FGF13: variants seen among roughly 807,000 people sequenced by gnomAD.
FGF13 encodes the protein fibroblast growth factor 13.
FGF13 carries 2 observed loss-of-function variants against 19.5 expected under a neutral mutation model. The observed-to-expected ratio is 0.10, with a 90% CI of 0.04 to 0.32. The LOEUF (loss-of-function observed/expected upper bound fraction) is 0.32. Ranked by LOEUF, FGF13 falls within the 10% of genes least tolerant of loss-of-function variation. The pLI, the probability that FGF13 is intolerant of heterozygous loss-of-function variation, is 1.00. For missense variants in FGF13, 113 were observed against 192.7 expected (o/e 0.59, Z 2.45); for synonymous variants, 72 against 76.9 (o/e 0.94, Z 0.33).
chrX:139,076,505 G>A (rs1469846196), intron 1 of FGF13, among the ~76,000 whole-genome samples: 1 of 112,024 alleles, frequency 8.9e-6, no homozygotes, highest in East Asian at 2.8e-4. Context: ...CATGTATAGA[G>A]ATTAATTTGC....
At chrX:138,967,051 A>G (rs1043040461) in intron 1 of FGF13, among the ~76,000 whole-genome samples, 1 of 110,994 alleles carries the variant, frequency 9.0e-6, no homozygotes, top group Non-Finnish European at 1.9e-5. Context: ...TGAGTCAATT[A>G]AACCTCTTTT....
intron 1 of FGF13, among the ~76,000 whole-genome samples, chrX:138,950,785 T>C (rs1273533376): frequency 9.0e-6 from 1 of 111,603 alleles, no homozygotes; most frequent in African/African-American, 3.3e-5. Context: ...ATTTTAGACA[T>C]ACAGAAAGAA....
chrX:138,743,530 C>T (rs907035554), upstream of FGF13, among the ~76,000 whole-genome samples: 1 of 110,944 alleles, frequency 9.0e-6, no homozygotes, highest in African/African-American at 3.3e-5. Flanking sequence ...TATGGACTTT[C>T]GGTGATAAGG....
chrX:138,718,732 C>T (rs1317309085), intron 1 of FGF13, among the ~76,000 whole-genome samples: 1 of 111,616 alleles, frequency 9.0e-6, no homozygotes, highest in Non-Finnish European at 1.9e-5. Context: ...TACTATCCTC[C>T]ATATTCTAAG....
At chrX:138,750,520 G>A (rs766117684) in intron 3 of FGF13, among the ~76,000 whole-genome samples, 2 of 111,117 alleles carry the variant, frequency 1.8e-5, no homozygotes, top group South Asian at 3.8e-4. Context: ...ACCCATCACC[G>A]AAATGGATTT....
At chrX:138,878,198 T>G (rs1407144767) in intron 1 of FGF13, among the ~76,000 whole-genome samples, 1 of 109,660 alleles carries the variant, frequency 9.1e-6, no homozygotes, top group Non-Finnish European at 1.9e-5. Context: ...ATGTGCACAA[T>G]GTGCAGGTTT....
At chrX:138,853,252 A>G (rs2091234813), downstream of FGF13, among the ~76,000 whole-genome samples, 1 of 111,956 alleles carries the variant, frequency 8.9e-6, no homozygotes, top group African/African-American at 3.2e-5. Flanking sequence ...AGGAAGGCAC[A>G]ACAGGAAAAC....
intron 3 of FGF13, among the ~76,000 whole-genome samples, chrX:138,827,313 G>A (rs765689630): frequency 8.9e-6 from 1 of 111,835 alleles, no homozygotes; most frequent in South Asian, 3.8e-4. Context: ...AATTAAGACA[G>A]CAGCACAGAA....
intron 3 of FGF13, among the ~76,000 whole-genome samples, chrX:138,745,317 T>A (rs1414261286): frequency 8.9e-6 from 1 of 112,104 alleles, no homozygotes; most frequent in Non-Finnish European, 1.9e-5. Context: ...GGTGGAGAGT[T>A]ATTCCATTCT....
At chrX:138,917,217 T>C (rs759902877) in intron 1 of FGF13, among the ~76,000 whole-genome samples, 1 of 111,988 alleles carries the variant, frequency 8.9e-6, no homozygotes, top group South Asian at 3.7e-4. Flanking sequence ...CAAATTCATA[T>C]GTTGAAGCCC....
chrX:138,929,599 C>G (rs997433214), intron 1 of FGF13, among the ~76,000 whole-genome samples: 3 of 111,392 alleles, frequency 2.7e-5, no homozygotes, highest in African/African-American at 9.8e-5. Context: ...TCATTCCTCA[C>G]TCTGTCCCTA....
At chrX:138,974,029 C>G (rs1408166824) in intron 1 of FGF13, among the ~76,000 whole-genome samples, 1 of 111,427 alleles carries the variant, frequency 9.0e-6, no homozygotes, top group Non-Finnish European at 1.9e-5. Context: ...CTTGACCTCT[C>G]AACATGTAAT....
chrX:139,131,420 T>TGTGTGC (rs1944304294), intron 1 of FGF13, among the ~76,000 whole-genome samples: 1 of 93,514 alleles, frequency 1.1e-5, no homozygotes. Flanking sequence ...TGTGTGTGTG[T>TGTGTGC]GTGCAAAGGA....
intron 1 of FGF13, among the ~76,000 whole-genome samples, chrX:139,135,240 G>A (rs1042407857): frequency 9.0e-5 from 10 of 111,466 alleles, no homozygotes; most frequent in African/African-American, 3.3e-4. Context: ...AGGTATTAGT[G>A]GGAGTGAAAG....
At position 139,170,920 on chromosome X, in the gene FGF13, G is replaced by A. The variant is rs184900182; in HGVS notation, c.-113+32496C>T. The stretch of plus-strand genomic sequence containing the variant: ...GCCTCAGACTCCAAGAAAAAAGTGC[G>A]TTCTGTTAGCCAACACATCACATGA... On this transcript the variant is annotated intron_variant, in intron 1 of 2. Transcript: ENST00000421460. Among the ~76,000 whole-genome samples the A allele has an allele frequency of 8.1e-5, 9 of 111,674 alleles. No homozygotes were observed. In the South Asian group the frequency reaches 1.1e-3, roughly 14 times the overall value.
At chrX:138,976,402 T>G (rs1444905905) in intron 1 of FGF13, among the ~76,000 whole-genome samples, 1 of 111,523 alleles carries the variant, frequency 9.0e-6, no homozygotes, top group Non-Finnish European at 1.9e-5. Flanking sequence ...GGCAGCAACT[T>G]GGATGGAGCT....
intron 1 of FGF13, among the ~76,000 whole-genome samples, chrX:139,141,047 T>TGATAGATAGATAGATAGATAGATA (rs71855826): frequency 1.1e-5 from 1 of 89,091 alleles, no homozygotes; most frequent in African/African-American, 4.4e-5. Context: ...ACTAGATAGA[T>TGATAGATAGATAGATAGATAGATA]GATAGATAGA....
intron 1 of FGF13, among the ~76,000 whole-genome samples, chrX:138,869,091 T>C (rs762094446): frequency 8.9e-6 from 1 of 111,838 alleles, no homozygotes; most frequent in Non-Finnish European, 1.9e-5. Context: ...TTTTACCTTA[T>C]TAGTCAGGAA....
At chrX:138,679,466 TG>T (rs2089706760) in intron 3 of FGF13, among the ~76,000 whole-genome samples, 1 of 111,190 alleles carries the variant, frequency 9.0e-6, no homozygotes, top group Non-Finnish European at 1.9e-5. Flanking sequence ...AGGCATACCT[TG>T]GAGATATTAC....
Sources: gnomAD v4.1 joint callset for allele counts (sites outside exome capture counted in the v4.1 genomes callset) on GRCh38, gnomAD v4.1.1 for gene constraint, MANE v1.5 for transcripts, NCBI Gene and HGNC (gene_info 2026-07-23, HGNC 2026-07-21) for gene names.